The following KREMEN1 variants were observed in gnomAD, a reference collection of about 807,000 sequenced individuals.
KREMEN1 encodes the protein kremen protein 1.
KREMEN1 carries 30 observed loss-of-function variants against 46.5 expected under a neutral mutation model. The ratio of observed to expected loss-of-function variants is 0.65; its 90% CI spans 0.48 to 0.88. KREMEN1 has a LOEUF of 0.88. Ranked by LOEUF, KREMEN1 falls within the 40% of genes least tolerant of loss-of-function variation. KREMEN1 has a pLI of 0.00. For missense variants in KREMEN1, 533 were observed against 596.9 expected, an observed-to-expected ratio of 0.89 and a Z score of 1.11; for synonymous variants, 214 against 230.6, an observed-to-expected ratio of 0.93 and a Z score of 0.65.
intron 2 of KREMEN1, 120 bp downstream of exon 2, chr22:29,094,540 T>G (rs1484541001): frequency 1.4e-6 from 1 of 712,872 alleles, no homozygotes; most frequent in East Asian, 2.9e-5. Context: ...GAGACTTATC[T>G]TGTCAGTTTT....
chr22:29,110,605 G>C (rs892739868), intron 3 of KREMEN1, among the ~76,000 whole-genome samples: 1 of 152,210 alleles, frequency 6.6e-6, no homozygotes, highest in Non-Finnish European at 1.5e-5. Flanking sequence ...CTCCCCCTAA[G>C]GGCAGAATTC....
At chr22:29,088,290 C>T (rs930383346) in intron 1 of KREMEN1, among the ~76,000 whole-genome samples, 6 of 133,232 alleles carry the variant, frequency 4.5e-5, no homozygotes, top group African/African-American at 1.4e-4. Context: ...AACGTGCGCA[C>T]GCGTGCACGC....
At chr22:29,135,010 G>A (rs144111974) in intron 5 of KREMEN1, among the ~76,000 whole-genome samples, 1,610 of 152,294 alleles carry the variant, frequency 0.011, 29 homozygotes, top group African/African-American at 0.037. Flanking sequence ...TCTTAGACAG[G>A]ATGTGTAAAG....
chr22:29,153,981 AAAG>A (rs909950548), intron 9 of KREMEN1, among the ~76,000 whole-genome samples: 12 of 151,602 alleles, frequency 7.9e-5, no homozygotes, highest in South Asian at 2.1e-4. Flanking sequence ...AAAAAAAAAA[AAAG>A]AAAGAAAAGA....
chr22:29,159,166 T>C (rs2038989138), intron 9 of KREMEN1, among the ~76,000 whole-genome samples: 1 of 146,462 alleles, frequency 6.8e-6, no homozygotes, highest in Non-Finnish European at 1.5e-5. Flanking sequence ...GGATCTCACT[T>C]CGTTGCCCAG....
chr22:29,100,795 C>T (rs1407681026), intron 3 of KREMEN1, among the ~76,000 whole-genome samples: 2 of 152,160 alleles, frequency 1.3e-5, no homozygotes, highest in African/African-American at 4.8e-5. Context: ...TTGTCTCCTT[C>T]CAGTGGGACA....
rs78373934 is a variant in KREMEN1, at chr22:29,146,042, G to A, written c.*3930G>A. 4.3e-3 allele frequency: 4,268 copies of A among 985,878 alleles called. 116 individuals are homozygous for A. The African/African-American group carries it at 0.064, about 15-fold the overall frequency. 61.1% of individuals were successfully genotyped at this position (985,878 alleles called of 1,614,324 possible). A position where few individuals can be genotyped will look rare whatever the true frequency, so the allele number is the denominator to read the frequency against. On this transcript the variant is annotated 3_prime_UTR_variant, in exon 9 of 9. Coordinates refer to ENST00000400335, the MANE Select transcript of KREMEN1 (RefSeq NM_001039570.3). ...CTTCACAAGCACTTATACGCGGATGGCCTCCGAGACCCTGCCTCCCTGGTC... is the reference window on the plus strand; with the variant it reads ...CTTCACAAGCACTTATACGCGGATGACCTCCGAGACCCTGCCTCCCTGGTC...
In KREMEN1 at chr22:29,111,387, C is replaced by T. The variant is rs368458376; in HGVS notation, c.353-9970C>T. ...CAGCACTTTGGGAGGCCGAGGCGGG[C>T]GGATCATGAGGTCAGGAGATCGAGA... On this transcript the variant is annotated intron_variant, in intron 3 of 8. Coordinates refer to ENST00000400335, the MANE Select transcript of KREMEN1 (RefSeq NM_001039570.3). Among the ~76,000 whole-genome samples, 8 of 150,550 alleles carry T rather than the reference C, an allele frequency of 5.3e-5. No homozygotes were observed. The South Asian group carries it at 8.4e-4, about 16-fold the overall frequency.
At chr22:29,102,015 T>C (rs1223721762) in intron 3 of KREMEN1, among the ~76,000 whole-genome samples, 1 of 152,238 alleles carries the variant, frequency 6.6e-6, no homozygotes, top group Non-Finnish European at 1.5e-5. Flanking sequence ...ATATATAATG[T>C]ATTTTAAAAT....
downstream of KREMEN1, among the ~76,000 whole-genome samples, chr22:29,148,979 C>T (rs1050820263): frequency 1.3e-5 from 2 of 151,996 alleles, no homozygotes; most frequent in East Asian, 3.9e-4. Context: ...GCCTGGGAAT[C>T]CCTATGTGCT....
At chr22:29,133,303 C>CTT (rs745679282) in intron 5 of KREMEN1, among the ~76,000 whole-genome samples, 7 of 141,886 alleles carry the variant, frequency 4.9e-5, no homozygotes, top group Non-Finnish European at 6.2e-5. Flanking sequence ...TGGTTTTCAA[C>CTT]TTTTTTTTTT....
intron 9 of KREMEN1, among the ~76,000 whole-genome samples, chr22:29,157,184 C>T (rs2038970254): frequency 6.6e-6 from 1 of 152,204 alleles, no homozygotes; most frequent in Admixed American, 6.5e-5. Context: ...GCAAAGATTA[C>T]AGTCAGGTCT....
intron 9 of KREMEN1, among the ~76,000 whole-genome samples, chr22:29,160,989 CAAAG>C (rs132305): frequency 0.53 from 80,437 of 151,626 alleles, 25,799 homozygotes; most frequent in East Asian, 0.77. Flanking sequence ...GCTAGATTAA[CAAAG>C]AAAGAGAGAT....
chr22:29,142,750 C>T lies in KREMEN1; in HGVS notation c.*638C>T. 1.0e-6 allele frequency: 1 copy of T among 985,402 alleles called. No homozygotes were observed. The highest frequency in any genetic ancestry group is 1.7e-5 in the African/African-American group (1 of 57,338). 61.0% of individuals were successfully genotyped at this position (985,402 alleles called of 1,614,324 possible). A position where few individuals can be genotyped will look rare whatever the true frequency, so the allele number is the denominator to read the frequency against. On this transcript the variant is annotated 3_prime_UTR_variant, in exon 9 of 9. Transcript: ENST00000400335. ...GGGTCTGAGAATAAGATCTAGTGAC[C>T]CCCATTTATATCAAACCTGATACCT...
chr22:29,076,836 G>A lies in KREMEN1; in HGVS notation c.97+3609G>A, dbSNP rs569211836. ...CATTGCACTCCAGCCTGGGCAATAA[G>A]AGCAAAACTCTGTTTCAAAATAAAC... On this transcript the variant is annotated intron_variant, in intron 1 of 8. Transcript: ENST00000400335. Among the ~76,000 whole-genome samples the A allele has an allele frequency of 4.6e-5, 7 of 152,296 alleles. No individual in the cohort carries two copies. In the East Asian group the frequency reaches 5.8e-4, roughly 13 times the overall value.
intron 1 of KREMEN1, among the ~76,000 whole-genome samples, chr22:29,089,682 G>C (rs2037779500): frequency 6.6e-6 from 1 of 152,150 alleles, no homozygotes; most frequent in Admixed American, 6.5e-5. Context: ...TAGAACAAAA[G>C]CCAAAATCTC....
Position 29,143,137 on chromosome 22 carries a change from T to C in KREMEN1, c.*1025T>C. The C allele has an allele frequency of 1.1e-6, 1 of 943,282 alleles. No homozygotes were observed. Among genetic ancestry groups the C allele is most frequent in the Non-Finnish European group, 1.3e-6 (1 of 792,074 alleles). The allele number at this position is 943,282 out of a possible 1,614,324, so 58.4% of individuals were successfully genotyped here. ...TGCACTCCAGCCTGGGTGACAAGAG[T>C]GAGACTCTGTCTCAAAAAAACAAAA... On this transcript the variant is annotated 3_prime_UTR_variant, in exon 9 of 9. Coordinates refer to ENST00000400335, the MANE Select transcript of KREMEN1 (RefSeq NM_001039570.3).
chr22:29,095,856 G>T (rs2037875831), intron 2 of KREMEN1, among the ~76,000 whole-genome samples: 1 of 149,028 alleles, frequency 6.7e-6, no homozygotes, highest in Non-Finnish European at 1.5e-5. Flanking sequence ...TGTTATAAAA[G>T]TGTTAAAAGC....
In KREMEN1 at chr22:29,140,373, A is replaced by G. The variant is rs747937852; in HGVS notation, c.1208+7A>G. The G allele has an allele frequency of 8.1e-6, 13 of 1,602,968 alleles. No homozygotes were observed. The highest frequency in any genetic ancestry group is 1.0e-5 in the Non-Finnish European group (12 of 1,169,952). On this transcript the variant is annotated splice_region_variant and intron_variant, in intron 8 of 8. Transcript: ENST00000400335. ...TTCTGCACGTCACATTCAAGTGAGT[A>G]CAAGAGGGAGCTGCCCAATTCCAGG... is the stretch of plus-strand genomic sequence containing the variant.
Sources: allele counts gnomAD v4.1 joint callset (sites outside exome capture counted in the v4.1 genomes callset), GRCh38; gene constraint gnomAD v4.1.1; transcripts MANE v1.5; gene names NCBI Gene and HGNC (gene_info 2026-07-23, HGNC 2026-07-21).